The following BLTP1 variants were observed in gnomAD, a reference collection of about 807,000 sequenced individuals.
BLTP1 encodes fragile site-associated protein.
At chr4:122,241,186 A>G in the BLTP1 span, among the ~76,000 whole-genome samples, 1 of 152,156 alleles carries the variant, frequency 6.6e-6, no homozygotes, top group Non-Finnish European at 1.5e-5. Flanking sequence ...TTGAAGGATG[A>G]TGAGGAATTG....
chr4:122,316,352 C>T, the BLTP1 span: 1 of 471,336 alleles, frequency 2.1e-6, no homozygotes, highest in Non-Finnish European at 4.4e-6. Context: ...ACTTAGAGTT[C>T]AGATGGAAGT....
the BLTP1 span, chr4:122,261,339 A>C: frequency 1.0e-6 from 1 of 984,920 alleles, no homozygotes; most frequent in Non-Finnish European, 1.2e-6. Flanking sequence ...GTTCATTTTC[A>C]GAATTGTTTT....
the BLTP1 span, among the ~76,000 whole-genome samples, chr4:122,323,573 A>G: frequency 6.6e-6 from 1 of 151,882 alleles, no homozygotes; most frequent in Non-Finnish European, 1.5e-5. Flanking sequence ...TATTGGCTTG[A>G]CCTGCCCTTC....
At chr4:122,290,786 CAAAAAAAAAA>C in the BLTP1 span, 9 of 22,626 alleles carry the variant, frequency 4.0e-4, no homozygotes, top group African/African-American at 9.3e-4. Context: ...GATTCCGTCT[CAAAAAAAAAA>C]AAAAAAAAAA....
the BLTP1 span, among the ~76,000 whole-genome samples, chr4:122,332,453 A>G: frequency 6.6e-6 from 1 of 151,938 alleles, no homozygotes; most frequent in African/African-American, 2.4e-5. Flanking sequence ...TTCAAATGAA[A>G]GTCACGACCT....
the BLTP1 span, chr4:122,314,219 T>A: frequency 4.7e-6 from 3 of 640,244 alleles, no homozygotes; most frequent in Non-Finnish European, 5.8e-6. Context: ...GAGAATAATG[T>A]AACATGAATC....
At chr4:122,348,833 T>C in the BLTP1 span, 18 of 686,982 alleles carry the variant, frequency 2.6e-5, no homozygotes, top group East Asian at 4.9e-4. Flanking sequence ...AAGAAGTAGA[T>C]AAACGATATA....
At chr4:122,179,455 T>C in the BLTP1 span, among the ~76,000 whole-genome samples, 1 of 152,126 alleles carries the variant, frequency 6.6e-6, no homozygotes, top group Non-Finnish European at 1.5e-5. Flanking sequence ...TCTCCAAGCG[T>C]GGGCTGATCT....
At chr4:122,224,789 G>A in the BLTP1 span, 1 of 1,584,800 alleles carries the variant, frequency 6.3e-7, no homozygotes, top group South Asian at 1.1e-5. Context: ...TTCCACTGAT[G>A]GCATTCTGAT....
chr4:122,249,161 G>A, the BLTP1 span: 1 of 687,274 alleles, frequency 1.5e-6, no homozygotes, highest in Non-Finnish European at 1.8e-6. Flanking sequence ...TTTTTATTTT[G>A]TGAGATGATG....
At chr4:122,227,534 C>G in the BLTP1 span, 1 of 922,908 alleles carries the variant, frequency 1.1e-6, no homozygotes, top group Middle Eastern at 5.6e-4. Context: ...AATAACTTAC[C>G]CTGGTTCTAC....
chr4:122,172,964 A>T, the BLTP1 span: 4 of 1,583,332 alleles, frequency 2.5e-6, no homozygotes, highest in South Asian at 3.5e-5. Flanking sequence ...AATTCCAAGT[A>T]TTAAATTGTA....
At chr4:122,316,072 C>T in the BLTP1 span, among the ~76,000 whole-genome samples, 16 of 151,868 alleles carry the variant, frequency 1.1e-4, no homozygotes, top group Non-Finnish European at 1.9e-4. Flanking sequence ...TTTTATGGTA[C>T]GTGAGTTATA....
chr4:122,360,165 C>A, the BLTP1 span: 1 of 482,252 alleles, frequency 2.1e-6, no homozygotes, highest in Non-Finnish European at 2.7e-6. Flanking sequence ...TGTAATAAAA[C>A]CTGCAGCATC....
the BLTP1 span, chr4:122,347,096 T>TTTAAATATCC: frequency 1.0e-6 from 1 of 979,904 alleles, no homozygotes; most frequent in Non-Finnish European, 1.2e-6. Flanking sequence ...CTGTAATCCT[T>TTTAAATATCC]TTAAATATCC....
the BLTP1 span, among the ~76,000 whole-genome samples, chr4:122,335,346 G>C: frequency 6.6e-6 from 1 of 152,048 alleles, no homozygotes; most frequent in African/African-American, 2.4e-5. Context: ...AACTACACAA[G>C]GGCATGAATA....
the BLTP1 span, among the ~76,000 whole-genome samples, chr4:122,252,197 G>A: frequency 3.3e-5 from 5 of 152,290 alleles, no homozygotes; most frequent in African/African-American, 1.2e-4. Flanking sequence ...ACGATGTGCT[G>A]GTTTAGGTGT....
the BLTP1 span, chr4:122,277,188 C>A: frequency 1.7e-6 from 1 of 592,366 alleles, no homozygotes; most frequent in Non-Finnish European, 2.1e-6. Flanking sequence ...AATTTAAAAA[C>A]AAGTTAGCTG....
the BLTP1 span, chr4:122,268,923 G>C: frequency 6.5e-6 from 1 of 154,882 alleles, no homozygotes; most frequent in Non-Finnish European, 1.4e-5. Flanking sequence ...GGGCTGAAGA[G>C]CTAGCAGTAA....
Sources: allele counts gnomAD v4.1 joint callset (sites outside exome capture counted in the v4.1 genomes callset), GRCh38; gene constraint gnomAD v4.1.1; transcripts MANE v1.5; gene names NCBI Gene and HGNC (gene_info 2026-07-23, HGNC 2026-07-21).